Variants in RNF32 observed in about 807,000 individuals in gnomAD.
RNF32 encodes ring finger protein 32.
Under a neutral mutation model 41.0 loss-of-function variants are expected in RNF32, and 36 were observed. The observed-to-expected ratio is 0.88, with a 90% CI of 0.67 to 1.16. The LOEUF (loss-of-function observed/expected upper bound fraction) is 1.16. RNF32 is among the 50% of genes most tolerant of loss of function. The pLI is 0.00. For missense variants in RNF32, 413 were observed against 436.7 expected, an observed-to-expected ratio of 0.95 and a Z score of 0.48; for synonymous variants, 154 against 160.9, an observed-to-expected ratio of 0.96 and a Z score of 0.32.
intron 7 of RNF32, among the ~76,000 whole-genome samples, chr7:156,664,073 G>A (rs540506126): frequency 5.3e-5 from 8 of 152,220 alleles, no homozygotes; most frequent in Admixed American, 1.3e-4. Flanking sequence ...AGCTCAGAGC[G>A]GGGAGAGAGC....
At chr7:156,676,236 T>A (rs1031148134) in intron 8 of RNF32, 183 bp from the exon 9 acceptor site, 1 of 1,490,604 alleles carries the variant, frequency 6.7e-7, no homozygotes, top group African/African-American at 1.8e-5. Flanking sequence ...TAACAGAGTA[T>A]ATGTGTGTGT....
rs141109864 is a variant in RNF32, at chr7:156,676,911, G to T, written c.*256G>T. ...TATGAATAGCAAAAAATGAGAGCTT[G>T]CTTACTTCTAAAAATTGAGGTTAAG... is the stretch of plus-strand genomic sequence containing the variant. On this transcript the variant is annotated 3_prime_UTR_variant, in exon 9 of 9. Coordinates refer to ENST00000317955, the MANE Select transcript of RNF32 (RefSeq NM_030936.4). 18 of 432,790 alleles carry T rather than the reference G, an allele frequency of 4.2e-5. No individual in the cohort carries two copies. The highest frequency in any genetic ancestry group is 3.1e-4 in the African/African-American group (16 of 50,910). The allele number at this position is 432,790 out of a possible 1,614,324, so 26.8% of individuals were successfully genotyped here. A position where few individuals can be genotyped will look rare whatever the true frequency, so the allele number is the denominator to read the frequency against.
rs371776822 is a variant in RNF32 at position 156,675,680 on chromosome 7, C to T, written c.685-16C>T. On this transcript the variant is annotated splice_polypyrimidine_tract_variant and intron_variant, in intron 7 of 8. Transcript: ENST00000317955. Reference sequence around the variant, plus strand: ...GAGCTCAGGTGTGAGCTTACCCGCCCCCGCCTCCTCCTCAGTTCACAGAAA... The same window carrying T: ...GAGCTCAGGTGTGAGCTTACCCGCCTCCGCCTCCTCCTCAGTTCACAGAAA... 4.1e-5 allele frequency: 66 copies of T among 1,599,072 alleles called. 1 individual carries two copies. The African/African-American group carries it at 8.2e-4, about 20-fold the overall frequency.
At chr7:156,671,459 T>C (rs1236511712) in intron 7 of RNF32, among the ~76,000 whole-genome samples, 1 of 152,220 alleles carries the variant, frequency 6.6e-6, no homozygotes, top group Non-Finnish European at 1.5e-5. Context: ...GATAATGGTG[T>C]AGAACACCAC....
Position 156,676,655 on chromosome 7 carries a change from A to G in RNF32, c.1089A>G (p.Ter363TrpextTer32). ...ACCAGAAGAAGATTCTTGAATGTTGAATTCATAGTCAAGGAAAGTTAGGTA... is the reference window on the plus strand; with the variant it reads ...ACCAGAAGAAGATTCTTGAATGTTGGATTCATAGTCAAGGAAAGTTAGGTA... ...SCYQKKILEC[*>W] The change falls in exon 9 of 9, where the codon TGA (stop) becomes TGG (tryptophan). Residue 363 changes from the stop codon to tryptophan, a stop_lost. Transcript: ENST00000317955. The G allele has an allele frequency of 8.1e-6, 13 of 1,610,534 alleles. No homozygotes were observed. Among genetic ancestry groups the G allele is most frequent in the Non-Finnish European group, 1.1e-5 (13 of 1,176,962 alleles).
chr7:156,642,948 G>C (rs1157522264), intron 1 of RNF32: 1 of 152,132 alleles, frequency 6.6e-6, no homozygotes, highest in Non-Finnish European at 1.5e-5. Flanking sequence ...TAGATTACTT[G>C]AATAACTTTC....
intron 7 of RNF32, among the ~76,000 whole-genome samples, chr7:156,665,441 A>G (rs1801214276): frequency 6.6e-6 from 1 of 152,258 alleles, no homozygotes; most frequent in Non-Finnish European, 1.5e-5. Context: ...ATAAGATTGA[A>G]TATGGCAAAT....
At chr7:156,644,386 C>T in intron 2 of RNF32, 113 bp from the exon 3 acceptor site, 2 of 788,312 alleles carry the variant, frequency 2.5e-6, no homozygotes, top group South Asian at 1.6e-5. Flanking sequence ...GCATTCCTTA[C>T]TATTTGATTT....
At chr7:156,667,713 G>A (rs1801559184) in intron 7 of RNF32, among the ~76,000 whole-genome samples, 1 of 152,086 alleles carries the variant, frequency 6.6e-6, no homozygotes, top group South Asian at 2.1e-4. Flanking sequence ...GCTGCCCATA[G>A]GATAGTACTT....
At chr7:156,657,490 T>C in intron 4 of RNF32, 51 bp from the exon 5 acceptor site, 2 of 1,587,814 alleles carry the variant, frequency 1.3e-6, no homozygotes, top group South Asian at 2.2e-5. Flanking sequence ...GTTGGATACA[T>C]GCTGCTTCTC....
chr7:156,663,913 C>T (rs553635543), intron 7 of RNF32, among the ~76,000 whole-genome samples: 6 of 152,212 alleles, frequency 3.9e-5, no homozygotes, highest in Non-Finnish European at 8.8e-5. Context: ...ACATTCCACA[C>T]GGATTACACT....
intron 3 of RNF32, among the ~76,000 whole-genome samples, chr7:156,645,090 G>A (rs893706619): frequency 4.6e-5 from 7 of 152,210 alleles, no homozygotes; most frequent in East Asian, 1.9e-4. Flanking sequence ...CATAAGGATA[G>A]TAGACGGGGA....
intron 3 of RNF32, among the ~76,000 whole-genome samples, chr7:156,645,406 A>C (rs533224511): frequency 6.6e-6 from 1 of 152,366 alleles, no homozygotes; most frequent in South Asian, 2.1e-4. Context: ...ATCTGAATTT[A>C]ATCATGAGGA....
chr7:156,673,528 G>C (rs147531041), intron 7 of RNF32, among the ~76,000 whole-genome samples: 1 of 152,138 alleles, frequency 6.6e-6, no homozygotes, highest in Non-Finnish European at 1.5e-5. Context: ...ATTACATTCA[G>C]AGTGAAAGAG....
chr7:156,640,472 C>G, upstream of RNF32: 1 of 361,416 alleles, frequency 2.8e-6, no homozygotes, highest in South Asian at 2.0e-5. Flanking sequence ...GCCCGCGGCT[C>G]CCGAACACCC....
chr7:156,658,809 C>A, intron 7 of RNF32: 1 of 1,168,468 alleles, frequency 8.6e-7, no homozygotes, highest in Non-Finnish European at 1.2e-6. Flanking sequence ...TAAATCAAAG[C>A]AACTTCTGTT....
chr7:156,640,617 A>G (rs978030865), upstream of RNF32: 1 of 398,340 alleles, frequency 2.5e-6, no homozygotes, highest in Non-Finnish European at 4.9e-6. Context: ...GTGGTTGGCA[A>G]GCATGCGCAA....
At chr7:156,640,497 C>T, upstream of RNF32, 1 of 348,906 alleles carries the variant, frequency 2.9e-6, no homozygotes, top group Non-Finnish European at 5.5e-6. Flanking sequence ...CAGGCGATCC[C>T]CAAAAACGCC....
At chr7:156,664,391 G>A (rs929058019) in intron 7 of RNF32, among the ~76,000 whole-genome samples, 9 of 152,162 alleles carry the variant, frequency 5.9e-5, no homozygotes, top group African/African-American at 1.9e-4. Context: ...CACCCGGGAG[G>A]CAGAGGTTGC....
Sources: allele counts gnomAD v4.1 joint callset (sites outside exome capture counted in the v4.1 genomes callset), GRCh38; gene constraint gnomAD v4.1.1; transcripts MANE v1.5; gene names NCBI Gene and HGNC (gene_info 2026-07-23, HGNC 2026-07-21).